KDM3B: variants seen among roughly 807,000 people sequenced by gnomAD.
KDM3B encodes the protein lysine demethylase 3B, also known as lysine-specific demethylase 3B.
In KDM3B, 10 loss-of-function variants were observed where a neutral mutation model predicts 170.0. The ratio of observed to expected loss-of-function variants is 0.06; its 90% confidence interval spans 0.04 to 0.10. KDM3B has a LOEUF of 0.10. KDM3B is among the 10% of genes least tolerant of loss of function. The pLI, the probability that KDM3B is intolerant of heterozygous loss-of-function variation, is 1.00. For missense variants in KDM3B, 1,394 were observed against 2,195.2 expected (o/e 0.64, Z 7.29); for synonymous variants, 831 against 834.8 (o/e 1.00, Z 0.08).
intron 1 of KDM3B, among the ~76,000 whole-genome samples, chr5:138,354,133 T>C (rs542610103): frequency 6.6e-6 from 1 of 152,324 alleles, no homozygotes; most frequent in East Asian, 1.9e-4. Flanking sequence ...TCAACGGTGT[T>C]AGACTGTCCT....
At chr5:138,425,712 A>C in intron 17 of KDM3B, 130 bp downstream of exon 17, 1 of 856,786 alleles carries the variant, frequency 1.2e-6, no homozygotes, top group South Asian at 2.3e-5. Context: ...ATGAATAAAA[A>C]ATTAAAAACA....
intron 21 of KDM3B, 111 bp downstream of exon 21, chr5:138,430,076 G>A: frequency 1.4e-6 from 2 of 1,427,128 alleles, no homozygotes; most frequent in Non-Finnish European, 1.9e-6. Context: ...AGACTTGTTG[G>A]CCATGATACC....
intron 10 of KDM3B, among the ~76,000 whole-genome samples, chr5:138,398,897 T>C (rs1316433182): frequency 1.3e-5 from 2 of 148,954 alleles, no homozygotes; most frequent in African/African-American, 4.9e-5. Flanking sequence ...CTTTTTTTTT[T>C]TTTTTTTTTG....
chr5:138,386,733 G>A, intron 7 of KDM3B, 112 bp downstream of exon 7: 1 of 1,395,382 alleles, frequency 7.2e-7, no homozygotes, highest in Non-Finnish European at 9.7e-7. Context: ...TTTCTGAGAT[G>A]TGCTTAAATT....
In KDM3B at chr5:138,417,446, T is replaced by C. The variant is rs1763133241; in HGVS notation, c.3308-37T>C. ...GCACAATATGTGGCATATATGAGTA[T>C]TCTGGTGTTATTTTTATTGTTACAT... On this transcript the variant is annotated intron_variant, in intron 12 of 23. Coordinates refer to ENST00000314358, the MANE Select transcript of KDM3B (RefSeq NM_016604.4). 1.9e-6 allele frequency: 3 copies of C among 1,604,478 alleles called. No individual in the cohort carries two copies. The South Asian group carries it at 3.3e-5, about 18-fold the overall frequency.
In KDM3B at chr5:138,436,928, C is replaced by A. The variant is rs895727357; in HGVS notation, c.*1228C>A. 1 of 148,378 alleles carries A rather than the reference C, an allele frequency of 6.7e-6. No individual in the cohort carries two copies. Among genetic ancestry groups the A allele is most frequent in the Non-Finnish European group, 1.5e-5 (1 of 67,448 alleles). 9.2% of individuals were successfully genotyped at this position (148,378 alleles called of 1,614,324 possible). A position where few individuals can be genotyped will look rare whatever the true frequency, so the allele number is the denominator to read the frequency against. ...TTTTTTTTTTTTTTTAAATAAAAGT[C>A]ATTTAATGTAGAATACTTTTAATTT... On this transcript the variant is annotated 3_prime_UTR_variant, in exon 24 of 24. Coordinates refer to ENST00000314358, the MANE Select transcript of KDM3B (RefSeq NM_016604.4).
chr5:138,427,706 G>A (rs573964051), intron 19 of KDM3B, among the ~76,000 whole-genome samples: 12 of 152,272 alleles, frequency 7.9e-5, no homozygotes, highest in Non-Finnish European at 1.2e-4. Context: ...ATCTGAATAC[G>A]CCCTAATGCC....
At chr5:138,399,322 G>A (rs1279599653) in intron 10 of KDM3B, among the ~76,000 whole-genome samples, 1 of 151,486 alleles carries the variant, frequency 6.6e-6, no homozygotes, top group South Asian at 2.1e-4. Flanking sequence ...GGCAGATCAC[G>A]AGGTCAGGAG....
chr5:138,428,490 C>T (rs893181093), intron 20 of KDM3B, among the ~76,000 whole-genome samples: 2 of 152,322 alleles, frequency 1.3e-5, no homozygotes, highest in East Asian at 3.9e-4. Context: ...GGATTACAGG[C>T]GTCAGCCACT....
At position 138,372,727 on chromosome 5, in the gene KDM3B, T is replaced by C; in HGVS notation, c.246T>C (p.Val82=). ...GGAAGCAACACTCCTGGGTAAAAGTTCATGCTGAGGAAGTTATCGTGCTTC... is the reference window on the plus strand; with the variant it reads ...GGAAGCAACACTCCTGGGTAAAAGTCCATGCTGAGGAAGTTATCGTGCTTC... ...CNWKQHSWVK[V]HAEEVIVLLL... is the part of the protein sequence containing the mutation. The change falls in exon 2 of 24, where the codon GTT becomes GTC. Residue 82 remains valine, a synonymous_variant. Transcript: ENST00000314358. 1 of 1,614,142 alleles carries C rather than the reference T, an allele frequency of 6.2e-7. No individual in the cohort carries two copies. Among genetic ancestry groups the C allele is most frequent in the Non-Finnish European group, 8.5e-7 (1 of 1,180,006 alleles).
chr5:138,383,919 C>T (rs976754548), intron 6 of KDM3B, among the ~76,000 whole-genome samples: 4 of 151,556 alleles, frequency 2.6e-5, no homozygotes, highest in African/African-American at 4.9e-5. Context: ...TATTGCACTC[C>T]AGCCTGGGTG....
chr5:138,384,029 G>C (rs1330718858), intron 6 of KDM3B, among the ~76,000 whole-genome samples: 1 of 151,700 alleles, frequency 6.6e-6, no homozygotes, highest in East Asian at 2.0e-4. Flanking sequence ...GGCCGAGGCG[G>C]CTGGATCACG....
chr5:138,419,718 TACACACACATAC>T (rs1392863322), intron 14 of KDM3B, among the ~76,000 whole-genome samples: 7 of 63,688 alleles, frequency 1.1e-4, no homozygotes, highest in Admixed American at 1.6e-4. Flanking sequence ...CACATATATA[TACACACACATAC>T]ACACACACAC....
At chr5:138,418,904 T>C in intron 13 of KDM3B, 49 bp from the exon 14 acceptor site, 1 of 1,577,650 alleles carries the variant, frequency 6.3e-7, no homozygotes, top group East Asian at 2.3e-5. Flanking sequence ...GTTGTATTTT[T>C]TTCTACCCAA....
intron 9 of KDM3B, among the ~76,000 whole-genome samples, chr5:138,396,376 T>C (rs752246634): frequency 6.6e-5 from 10 of 152,162 alleles, no homozygotes; most frequent in African/African-American, 1.4e-4. Flanking sequence ...ATTACAGGCG[T>C]GAGCCACTGC....
chr5:138,412,403 C>T (rs1052389366), intron 11 of KDM3B, among the ~76,000 whole-genome samples: 2 of 151,548 alleles, frequency 1.3e-5, no homozygotes, highest in Non-Finnish European at 2.9e-5. Flanking sequence ...CCTGTAATCC[C>T]AACAGTTACG....
chr5:138,368,908 A>G (rs1761809491), intron 1 of KDM3B, among the ~76,000 whole-genome samples: 1 of 152,208 alleles, frequency 6.6e-6, no homozygotes, highest in African/African-American at 2.4e-5. Context: ...TGAATTCTTG[A>G]ATATTAACTT....
intron 7 of KDM3B, among the ~76,000 whole-genome samples, chr5:138,388,564 A>G (rs1237152923): frequency 6.6e-6 from 1 of 150,632 alleles, no homozygotes. Context: ...CCCGGGAGGC[A>G]GAGCTTGCAG....
chr5:138,392,404 G>A (rs1436672276), intron 8 of KDM3B, 143 bp downstream of exon 8: 1 of 861,120 alleles, frequency 1.2e-6, no homozygotes, highest in Non-Finnish European at 1.6e-6. Flanking sequence ...CCTGGCAGAG[G>A]CCCCTCGTCA....
Sources: gnomAD v4.1 joint callset for allele counts (sites outside exome capture counted in the v4.1 genomes callset) on GRCh38, gnomAD v4.1.1 for gene constraint, MANE v1.5 for transcripts, NCBI Gene and HGNC (gene_info 2026-07-23, HGNC 2026-07-21) for gene names.